The following DENND4A variants were observed in gnomAD, a reference collection of about 807,000 sequenced individuals.
DENND4A encodes C-myc promoter-binding protein.
A neutral mutation model predicts 199.3 loss-of-function variants in DENND4A; 70 were observed. The observed-to-expected ratio is 0.35, with a 90% CI of 0.29 to 0.43. The LOEUF (loss-of-function observed/expected upper bound fraction) is 0.43. DENND4A is among the 20% of genes least tolerant of loss of function. The probability of loss-of-function intolerance (pLI) is 1.00; values close to 1 mark genes in which losing one functional copy is unlikely to be tolerated. For missense variants in DENND4A, 1,723 were observed against 2,255.8 expected, an observed-to-expected ratio of 0.76 and a Z score of 4.78; for synonymous variants, 686 against 766.9, an observed-to-expected ratio of 0.89 and a Z score of 1.74.
intron 1 of DENND4A, among the ~76,000 whole-genome samples, chr15:65,782,864 G>C (rs1050309559): frequency 2.6e-5 from 4 of 151,534 alleles, no homozygotes; most frequent in African/African-American, 9.7e-5. Flanking sequence ...AATATCTGAA[G>C]CAATAATAAT....
intron 1 of DENND4A, 99 bp from the exon 2 acceptor site, chr15:65,761,537 T>C (rs1444255917): frequency 6.6e-6 from 1 of 152,180 alleles, no homozygotes; most frequent in African/African-American, 2.4e-5. Flanking sequence ...ACAGTGATAA[T>C]TACTAAACTG....
At chr15:65,770,371 A>C (rs1335249321) in intron 1 of DENND4A, among the ~76,000 whole-genome samples, 4 of 152,154 alleles carry the variant, frequency 2.6e-5, no homozygotes, top group African/African-American at 9.7e-5. Flanking sequence ...GGTGGCCTTT[A>C]AAGTATTGGA....
intron 23 of DENND4A, among the ~76,000 whole-genome samples, chr15:65,686,840 T>G (rs114249931): frequency 0.012 from 1,794 of 151,922 alleles, 44 homozygotes; most frequent in African/African-American, 0.042. Context: ...CATAGGTATG[T>G]GCCACCATGG....
At position 65,660,576 on chromosome 15, in the gene DENND4A, C is replaced by A; in HGVS notation, c.*1275G>T. 1 of 369,062 alleles carries A rather than the reference C, an allele frequency of 2.7e-6. No individual in the cohort carries two copies. Among genetic ancestry groups the A allele is most frequent in the Non-Finnish European group, 4.8e-6 (1 of 206,906 alleles). The allele number at this position is 369,062 out of a possible 1,614,324, so 22.9% of individuals were successfully genotyped here. ...ATGTTTTTCCTTACCAGAAATTACC[C>A]AAAGAAAGTTACATTAGAAATAATA... On this transcript the variant is annotated 3_prime_UTR_variant, in exon 33 of 33. Coordinates refer to ENST00000443035, the MANE Select transcript of DENND4A (RefSeq NM_001320835.1).
Position 65,771,559 on chromosome 15 carries a change from G to C in DENND4A, c.-101-10121C>G. 6 of 1,612,434 alleles carry C rather than the reference G, an allele frequency of 3.7e-6. No individual in the cohort carries two copies. In the South Asian group the frequency reaches 6.6e-5, roughly 18 times the overall value. ...TCAATACAATTATGGGCATCAGCTGGATAAACACAGAAAAACCTCCATCTC... is the reference window on the plus strand; with the variant it reads ...TCAATACAATTATGGGCATCAGCTGCATAAACACAGAAAAACCTCCATCTC... On this transcript the variant is annotated intron_variant, in intron 1 of 32. Coordinates refer to ENST00000443035, the MANE Select transcript of DENND4A (RefSeq NM_001320835.1).
chr15:65,716,309 T>C (rs2075398670), intron 13 of DENND4A, among the ~76,000 whole-genome samples: 1 of 151,794 alleles, frequency 6.6e-6, no homozygotes, highest in African/African-American at 2.4e-5. Context: ...GTTTGTTACA[T>C]ATGTATACAT....
chr15:65,766,877 T>A (rs1180293894), intron 1 of DENND4A: 6 of 150,828 alleles, frequency 4.0e-5, no homozygotes, highest in Non-Finnish European at 7.4e-5. Flanking sequence ...AAAAAAGGAG[T>A]ATTATACTGT....
intron 23 of DENND4A, among the ~76,000 whole-genome samples, chr15:65,679,536 A>G (rs893349996): frequency 2.0e-5 from 3 of 151,748 alleles, no homozygotes; most frequent in African/African-American, 7.3e-5. Context: ...TATGATATTA[A>G]AAACATTTTT....
chr15:65,691,411 A>G lies in DENND4A; in HGVS notation c.3183T>C (p.Asn1061=), dbSNP rs777646636. ...RCFRKRHKSD[N]ETNLQQQVVW... is the part of the protein sequence containing the mutation. ...CCACTTGCTGCTGCAAATTAGTTTC[A>G]TTGTCACTTTTATGTCTTTTCCTGA... Residue 1061 remains asparagine (N), a synonymous_variant, in exon 23 of 33, where the codon AAT becomes AAC. Coordinates refer to ENST00000443035, the MANE Select transcript of DENND4A (RefSeq NM_001320835.1). 7 of 1,613,470 alleles carry G rather than the reference A, an allele frequency of 4.3e-6. No homozygotes were observed. In the South Asian group the frequency reaches 6.6e-5, roughly 15 times the overall value.
chr15:65,730,719 G>A (rs1019552541), intron 9 of DENND4A, among the ~76,000 whole-genome samples: 2 of 152,042 alleles, frequency 1.3e-5, no homozygotes, highest in African/African-American at 4.8e-5. Context: ...AGGGGTATGA[G>A]TATGTTAGAG....
chr15:65,778,241 A>C (rs2077334344), intron 1 of DENND4A, among the ~76,000 whole-genome samples: 2 of 152,180 alleles, frequency 1.3e-5, no homozygotes, highest in African/African-American at 4.8e-5. Context: ...TTATCTGAAC[A>C]AATTATTTTT....
At chr15:65,706,508 A>ATT (rs1555422315) in intron 14 of DENND4A, among the ~76,000 whole-genome samples, 1,604 of 136,050 alleles carry the variant, frequency 0.012, 52 homozygotes, top group African/African-American at 0.043. Context: ...ATATATATAT[A>ATT]TTTTTTTTTG....
At chr15:65,729,759 T>TGATTAGAGTAG in intron 9 of DENND4A, 81 bp from the exon 10 acceptor site, 2 of 1,287,470 alleles carry the variant, frequency 1.6e-6, no homozygotes, top group Non-Finnish European at 2.1e-6. Flanking sequence ...CAAAAGTAGT[T>TGATTAGAGTAG]GATTAGAGTA....
intron 5 of DENND4A, among the ~76,000 whole-genome samples, chr15:65,740,306 A>G (rs1361211037): frequency 1.3e-5 from 2 of 151,696 alleles, no homozygotes; most frequent in Non-Finnish European, 2.9e-5. Flanking sequence ...AAGAAAAAAA[A>G]AGAAATATTG....
chr15:65,700,281 C>T (rs976783446), intron 20 of DENND4A, among the ~76,000 whole-genome samples: 9 of 152,050 alleles, frequency 5.9e-5, no homozygotes, highest in Non-Finnish European at 7.4e-5. Context: ...TCTATGTCTA[C>T]GCAGAGTTAA....
intron 2 of DENND4A, among the ~76,000 whole-genome samples, chr15:65,759,994 T>C (rs1161756286): frequency 6.6e-6 from 1 of 152,204 alleles, no homozygotes; most frequent in Non-Finnish European, 1.5e-5. Context: ...ACTCTAGTAT[T>C]TCTTCAGGAT....
At chr15:65,705,533 C>G (rs1249851263) in intron 15 of DENND4A, among the ~76,000 whole-genome samples, 1 of 152,088 alleles carries the variant, frequency 6.6e-6, no homozygotes. Context: ...TCGTTTAAGT[C>G]TGTATACTTA....
chr15:65,679,227 G>A (rs895245327), intron 23 of DENND4A, among the ~76,000 whole-genome samples: 23 of 150,948 alleles, frequency 1.5e-4, no homozygotes, highest in African/African-American at 4.6e-4. Context: ...TCAGCCTCCC[G>A]GGTAGCTGGG....
rs142286793 is a variant in DENND4A, at chr15:65,698,700, T to C, written c.2834-1317A>G. ...ATCTTGATGAAATTCATGCTTTTAT[T>C]AGGTTTTACACTATTTTAAGATAGC... On this transcript the variant is annotated intron_variant, in intron 20 of 32. Transcript: ENST00000443035. 2.9e-3 allele frequency among the ~76,000 whole-genome samples: 432 copies of C among 151,408 alleles called. 4 individuals are homozygous for C. The highest frequency in any genetic ancestry group is 9.9e-3 in the African/African-American group (408 of 41,388).
Sources: gnomAD v4.1 joint callset for allele counts (sites outside exome capture counted in the v4.1 genomes callset) on GRCh38, gnomAD v4.1.1 for gene constraint, MANE v1.5 for transcripts, NCBI Gene and HGNC (gene_info 2026-07-23, HGNC 2026-07-21) for gene names.